The following CCSER1 variants were observed in gnomAD, a reference collection of about 807,000 sequenced individuals.
CCSER1 encodes the protein coiled-coil serine rich protein 1.
A neutral mutation model predicts 82.0 loss-of-function variants in CCSER1; 41 were observed. The ratio of observed to expected loss-of-function variants is 0.50; its 90% CI spans 0.39 to 0.65. The LOEUF (loss-of-function observed/expected upper bound fraction) is 0.65, where lower values mean the gene tolerates loss of function less well. Among genes scored for constraint, CCSER1 ranks in the 30% least tolerant of loss-of-function variants. CCSER1 has a pLI of 0.00. For synonymous variants in CCSER1, 414 were observed against 383.9 expected (o/e 1.08, Z -0.92); for missense variants, 1,119 against 1,064.2 (o/e 1.05, Z -0.72).
intron 7 of CCSER1, among the ~76,000 whole-genome samples, chr4:90,768,237 C>G (rs980038401): frequency 6.6e-6 from 1 of 152,132 alleles, no homozygotes; most frequent in African/African-American, 2.4e-5. Flanking sequence ...TACTTGGAAA[C>G]AGGTTTTCTG....
At chr4:90,369,295 A>C (rs555674025) in intron 3 of CCSER1, among the ~76,000 whole-genome samples, 2 of 150,452 alleles carry the variant, frequency 1.3e-5, no homozygotes. Context: ...AAGGAGGAGG[A>C]AAAGAAGAAG....
intron 9 of CCSER1, among the ~76,000 whole-genome samples, chr4:90,964,900 C>A (rs746097934): frequency 2.0e-5 from 3 of 151,902 alleles, no homozygotes; most frequent in Non-Finnish European, 4.4e-5. Flanking sequence ...TTAACTTGCC[C>A]ACTTTCTCTA....
chr4:91,324,068 T>TAAAAAA, intron 10 of CCSER1, among the ~76,000 whole-genome samples: 1 of 152,314 alleles, frequency 6.6e-6, no homozygotes, highest in African/African-American at 2.4e-5. Flanking sequence ...AGATTGTTGT[T>TAAAAAA]AAAGCTGGAG....
intron 5 of CCSER1, among the ~76,000 whole-genome samples, chr4:90,477,842 C>A (rs980241361): frequency 6.6e-6 from 1 of 151,902 alleles, no homozygotes; most frequent in Non-Finnish European, 1.5e-5. Context: ...CCAACATTAT[C>A]AAATTTTTAA....
At chr4:91,587,665 C>T (rs1764062799) in intron 10 of CCSER1, among the ~76,000 whole-genome samples, 1 of 151,690 alleles carries the variant, frequency 6.6e-6, no homozygotes, top group African/African-American at 2.4e-5. Flanking sequence ...CTGGCATGTA[C>T]AATTAAATAT....
intron 6 of CCSER1, among the ~76,000 whole-genome samples, chr4:90,703,416 G>C (rs1426026837): frequency 6.6e-6 from 1 of 152,176 alleles, no homozygotes; most frequent in African/African-American, 2.4e-5. Flanking sequence ...TTTGGAATAA[G>C]TGCAGTGTGT....
chr4:91,100,007 A>C (rs1386674706), intron 10 of CCSER1, among the ~76,000 whole-genome samples: 1 of 152,188 alleles, frequency 6.6e-6, no homozygotes, highest in Admixed American at 6.5e-5. Flanking sequence ...ATTTCAAGAC[A>C]TGGCAAAGAA....
intron 10 of CCSER1, among the ~76,000 whole-genome samples, chr4:91,271,477 C>T (rs1454521506): frequency 6.6e-6 from 1 of 152,102 alleles, no homozygotes; most frequent in Non-Finnish European, 1.5e-5. Context: ...CCTTTGCATC[C>T]TCATAGCTTA....
chr4:91,481,306 G>A (rs919984577), intron 10 of CCSER1, among the ~76,000 whole-genome samples: 1 of 151,922 alleles, frequency 6.6e-6, no homozygotes, highest in Non-Finnish European at 1.5e-5. Context: ...GGCAGTTTTG[G>A]TTTATCCTTA....
At chr4:90,429,450 A>T (rs185016933) in intron 4 of CCSER1, among the ~76,000 whole-genome samples, 1 of 151,982 alleles carries the variant, frequency 6.6e-6, no homozygotes. Flanking sequence ...CATGCATAAT[A>T]TGAAATTTAA....
chr4:90,351,394 A>C (rs1401674717), intron 3 of CCSER1, among the ~76,000 whole-genome samples: 1 of 152,178 alleles, frequency 6.6e-6, no homozygotes, highest in Non-Finnish European at 1.5e-5. Flanking sequence ...TCAAAATATG[A>C]AGCCATGAGA....
chr4:91,460,415 C>T (rs980637052), intron 10 of CCSER1, among the ~76,000 whole-genome samples: 18 of 151,960 alleles, frequency 1.2e-4, no homozygotes, highest in African/African-American at 4.4e-4. Context: ...CCTTTGCCCT[C>T]GTTCTACTGG....
chr4:91,369,524 A>C (rs1229447910), intron 10 of CCSER1, among the ~76,000 whole-genome samples: 1 of 152,126 alleles, frequency 6.6e-6, no homozygotes, highest in Non-Finnish European at 1.5e-5. Flanking sequence ...TCACTTTACT[A>C]TATGTTTTCC....
intron 10 of CCSER1, among the ~76,000 whole-genome samples, chr4:91,438,722 T>TAA (rs1553937153): frequency 1.3e-5 from 2 of 151,942 alleles, no homozygotes; most frequent in African/African-American, 2.4e-5. Flanking sequence ...GACAAAGAAG[T>TAA]AAAACTTTCA....
chr4:90,185,001 C>T lies in CCSER1; in HGVS notation c.-42+57170C>T, dbSNP rs188933194. Among the ~76,000 whole-genome samples, 37 of 152,126 alleles carry T rather than the reference C, an allele frequency of 2.4e-4. 1 individual carries two copies. The East Asian group carries it at 6.8e-3, about 28-fold the overall frequency. On this transcript the variant is annotated intron_variant, in intron 1 of 10. Transcript: ENST00000509176. The stretch of plus-strand genomic sequence containing the variant: ...TGACAAGAATTTGGATTACCTTGAC[C>T]TAGGGAATAGGAGTGAGGATAATCA...
At chr4:91,076,068 A>G (rs1445107868) in intron 9 of CCSER1, among the ~76,000 whole-genome samples, 1 of 152,140 alleles carries the variant, frequency 6.6e-6, no homozygotes, top group Non-Finnish European at 1.5e-5. Context: ...GAATTAATGA[A>G]TCTTACTATA....
intron 7 of CCSER1, chr4:90,782,089 T>C (rs1260145919): frequency 4.0e-6 from 2 of 496,672 alleles, no homozygotes; most frequent in Non-Finnish European, 5.2e-6. Context: ...AAGGATTAAT[T>C]GCCCAGGATA....
chr4:91,567,581 AT>A (rs1560769306), intron 10 of CCSER1, among the ~76,000 whole-genome samples: 1 of 152,094 alleles, frequency 6.6e-6, no homozygotes, highest in Admixed American at 6.6e-5. Flanking sequence ...GTGCATATAT[AT>A]TTAATATAGT....
At chr4:91,589,636 C>T (rs1764171612) in intron 10 of CCSER1, among the ~76,000 whole-genome samples, 1 of 150,046 alleles carries the variant, frequency 6.7e-6, no homozygotes, top group Non-Finnish European at 1.5e-5. Flanking sequence ...TTCTGCATTC[C>T]TATGCAAATA....
Sources: allele counts gnomAD v4.1 joint callset (sites outside exome capture counted in the v4.1 genomes callset), GRCh38; gene constraint gnomAD v4.1.1; transcripts MANE v1.5; gene names NCBI Gene and HGNC (gene_info 2026-07-23, HGNC 2026-07-21).